The following ANK3 variants were observed in gnomAD, a reference collection of about 807,000 sequenced individuals.
ANK3 encodes the protein ankyrin 3.
ANK3 carries 57 observed loss-of-function variants against 370.9 expected under a neutral mutation model. The ratio of observed to expected loss-of-function variants is 0.15; its 90% confidence interval spans 0.12 to 0.19. The LOEUF (loss-of-function observed/expected upper bound fraction) is 0.19. Among genes scored for constraint, ANK3 ranks in the 10% least tolerant of loss-of-function variants. The pLI, the probability that ANK3 is intolerant of heterozygous loss-of-function variation, is 1.00. For synonymous variants in ANK3, 1,929 were observed against 1,946.3 expected (o/e 0.99, Z 0.23); for missense variants, 4,439 against 5,302.1 (o/e 0.84, Z 5.06).
At chr10:60,672,096 A>G (rs1306722481) in intron 1 of ANK3, among the ~76,000 whole-genome samples, 1 of 152,258 alleles carries the variant, frequency 6.6e-6, no homozygotes, top group Non-Finnish European at 1.5e-5. Flanking sequence ...GTTACTCAAC[A>G]ATAGACAATT....
chr10:60,391,660 T>G (rs557555302), upstream of ANK3, among the ~76,000 whole-genome samples: 4 of 152,348 alleles, frequency 2.6e-5, no homozygotes, highest in East Asian at 7.7e-4. Context: ...AATGATACTT[T>G]AAAATATATT....
intron 1 of ANK3, among the ~76,000 whole-genome samples, chr10:60,352,977 G>C (rs535513804): frequency 8.2e-4 from 125 of 151,952 alleles, no homozygotes; most frequent in African/African-American, 2.9e-3. Flanking sequence ...TAGGAGGTGT[G>C]AATTTTTTGT....
chr10:60,160,399 A>G (rs932575315), intron 23 of ANK3, among the ~76,000 whole-genome samples: 3 of 152,128 alleles, frequency 2.0e-5, no homozygotes, highest in Non-Finnish European at 1.5e-5. Flanking sequence ...ATAACAAGAT[A>G]TAAGTAGTAA....
chr10:60,538,645 G>A (rs1044261919), intron 2 of ANK3, among the ~76,000 whole-genome samples: 1 of 151,794 alleles, frequency 6.6e-6, no homozygotes, highest in Non-Finnish European at 1.5e-5. Flanking sequence ...TAGAAAGAAT[G>A]CTCACACACA....
intron 1 of ANK3, among the ~76,000 whole-genome samples, chr10:60,332,264 C>T (rs942881462): frequency 9.2e-5 from 14 of 152,144 alleles, no homozygotes; most frequent in Non-Finnish European, 1.6e-4. Context: ...TTATTCAGAA[C>T]GACTAGCAAT....
intron 5 of ANK3, among the ~76,000 whole-genome samples, chr10:60,268,049 A>G (rs1438929439): frequency 6.6e-6 from 1 of 152,066 alleles, no homozygotes; most frequent in Non-Finnish European, 1.5e-5. Flanking sequence ...CCCAGGCTGG[A>G]GTGTAGCGAC....
At chr10:60,345,662 CAT>C (rs1279510163) in intron 1 of ANK3, among the ~76,000 whole-genome samples, 1 of 152,146 alleles carries the variant, frequency 6.6e-6, no homozygotes, top group East Asian at 1.9e-4. Context: ...TCATCCAACA[CAT>C]GTTTATTAGG....
rs147941173 is a variant in ANK3, at chr10:60,055,995, C to G, written c.12728G>C (p.Gly4243Ala). The G allele has an allele frequency of 6.2e-7, 1 of 1,613,712 alleles. No individual in the cohort carries two copies. The highest frequency in any genetic ancestry group is 1.3e-5 in the African/African-American group (1 of 74,984). ...ATTTGCTTCAAATTTGCCAGCTTCT[C>G]CTTTGAGATATGAGGTAATGGAATC... ...CRDSITSYLK[G>A]EAGKFEANGS... The change falls in exon 42 of 44, where the codon GGA becomes GCA. Residue 4243 changes from glycine (G) to alanine (A), a missense_variant. Physicochemically the swap from Gly to Ala is moderately conservative, Grantham distance 60 (BLOSUM62 0). This residue lies in a region of ANK3 where 242 missense variants were observed against 228.0 expected (regional missense o/e 1.06). Transcript: ENST00000280772.
intron 23 of ANK3, among the ~76,000 whole-genome samples, chr10:60,163,170 T>G (rs2095540662): frequency 6.6e-6 from 1 of 152,168 alleles, no homozygotes; most frequent in South Asian, 2.1e-4. Flanking sequence ...TATTTTCAAT[T>G]ACAAAATATG....
chr10:60,472,459 G>A (rs763615898), intron 2 of ANK3, among the ~76,000 whole-genome samples: 10 of 152,106 alleles, frequency 6.6e-5, no homozygotes, highest in African/African-American at 1.7e-4. Context: ...TAATGTGTTC[G>A]GATAAAGGTT....
At chr10:60,030,361 C>A (rs2073168167) in intron 43 of ANK3, among the ~76,000 whole-genome samples, 2 of 152,096 alleles carry the variant, frequency 1.3e-5, no homozygotes, top group Admixed American at 1.3e-4. Context: ...TCAGGATGGT[C>A]TCGATCTCCT....
chr10:60,292,900 GT>G (rs1249448463), intron 1 of ANK3, among the ~76,000 whole-genome samples: 1 of 152,000 alleles, frequency 6.6e-6, no homozygotes, highest in Non-Finnish European at 1.5e-5. Flanking sequence ...TAGAGACAGG[GT>G]TTCACCACGT....
intron 2 of ANK3, among the ~76,000 whole-genome samples, chr10:60,548,855 T>C (rs2077029812): frequency 1.3e-5 from 2 of 152,264 alleles, no homozygotes; most frequent in East Asian, 1.9e-4. Flanking sequence ...CCCACTATTA[T>C]GGCTAGGAAA....
At chr10:60,056,949 T>C (rs1329711296) in intron 41 of ANK3, among the ~76,000 whole-genome samples, 4 of 152,064 alleles carry the variant, frequency 2.6e-5, no homozygotes, top group African/African-American at 9.7e-5. Flanking sequence ...CGCTTGAGCC[T>C]GGGAGGCAGA....
At chr10:60,653,488 A>G (rs941838294) in intron 1 of ANK3, among the ~76,000 whole-genome samples, 1 of 151,986 alleles carries the variant, frequency 6.6e-6, no homozygotes, top group African/African-American at 2.4e-5. Context: ...TGGACTTTCT[A>G]TGTTGTTCCA....
At chr10:60,195,388 CAA>C (rs1320105561) in intron 16 of ANK3, among the ~76,000 whole-genome samples, 34 of 71,726 alleles carry the variant, frequency 4.7e-4, no homozygotes, top group East Asian at 4.0e-3. Context: ...CGTCTCCCTC[CAA>C]AAAAAAAAAA....
intron 2 of ANK3, among the ~76,000 whole-genome samples, chr10:60,585,328 T>G (rs2077816735): frequency 6.6e-6 from 1 of 152,196 alleles, no homozygotes; most frequent in African/African-American, 2.4e-5. Context: ...TTGTCAACAT[T>G]TGGCAAAGTT....
At chr10:60,195,895 A>G (rs564471667) in intron 16 of ANK3, among the ~76,000 whole-genome samples, 8 of 152,212 alleles carry the variant, frequency 5.3e-5, no homozygotes, top group Non-Finnish European at 1.2e-4. Flanking sequence ...AGAGTGTTCC[A>G]GCTCTCCTTC....
At chr10:60,529,567 C>T (rs914704858) in intron 2 of ANK3, among the ~76,000 whole-genome samples, 1 of 152,104 alleles carries the variant, frequency 6.6e-6, no homozygotes, top group African/African-American at 2.4e-5. Context: ...TGGTTTTCCT[C>T]CTATCAAAAG....
Sources: allele counts gnomAD v4.1 joint callset (sites outside exome capture counted in the v4.1 genomes callset), GRCh38; gene constraint gnomAD v4.1.1; regional missense constraint gnomAD v4.1.1; transcripts MANE v1.5; gene names NCBI Gene and HGNC (gene_info 2026-07-23, HGNC 2026-07-21).